Variants in MICU1 observed in about 807,000 individuals in gnomAD.
MICU1 encodes calcium uptake protein 1, mitochondrial.
MICU1 carries 45 observed loss-of-function variants against 56.8 expected under a neutral mutation model. The observed-to-expected ratio is 0.79, with a 90% CI of 0.62 to 1.02. MICU1 has a LOEUF of 1.02. Ranked by LOEUF, MICU1 falls within the 50% of genes least tolerant of loss-of-function variation. MICU1 has a pLI of 0.00. For missense variants in MICU1, 504 were observed against 587.1 expected (o/e 0.86, Z 1.46); for synonymous variants, 186 against 195.1 (o/e 0.95, Z 0.39).
intron 5 of MICU1, chr10:72,523,744 A>G (rs2132388753): frequency 1.7e-6 from 2 of 1,175,658 alleles, no homozygotes; most frequent in South Asian, 2.2e-5. Context: ...ATAAATTTTA[A>G]TAATTTATAA....
At chr10:72,412,854 GAA>G (rs57152777) in intron 9 of MICU1, among the ~76,000 whole-genome samples, 12 of 77,046 alleles carry the variant, frequency 1.6e-4, no homozygotes, top group African/African-American at 2.8e-4. Context: ...TCTGTCTCCA[GAA>G]AAAAAAAAAA....
intron 1 of MICU1, among the ~76,000 whole-genome samples, chr10:72,593,679 G>T (rs1841292955): frequency 6.6e-6 from 1 of 152,144 alleles, no homozygotes; most frequent in South Asian, 2.1e-4. Context: ...AAGATGTTTT[G>T]CAGGATACAA....
intron 8 of MICU1, among the ~76,000 whole-genome samples, chr10:72,434,565 C>G (rs1289503018): frequency 2.0e-5 from 3 of 152,002 alleles, no homozygotes; most frequent in Non-Finnish European, 4.4e-5. Flanking sequence ...TTTAGGAGGC[C>G]CAACATTATT....
chr10:72,371,774 G>T (rs1322476065), intron 11 of MICU1, among the ~76,000 whole-genome samples: 3 of 151,846 alleles, frequency 2.0e-5, no homozygotes. Flanking sequence ...TATAGGCCAA[G>T]GTGGGGCATA....
At chr10:72,474,825 C>T (rs1238528410) in intron 8 of MICU1, among the ~76,000 whole-genome samples, 3 of 152,190 alleles carry the variant, frequency 2.0e-5, no homozygotes, top group African/African-American at 2.4e-5. Flanking sequence ...ACTGCTGTGA[C>T]CCCTGAGTTT....
intron 10 of MICU1, among the ~76,000 whole-genome samples, chr10:72,393,909 G>A (rs1214885362): frequency 6.6e-6 from 1 of 152,082 alleles, no homozygotes; most frequent in Admixed American, 6.6e-5. Context: ...GAGATTACAG[G>A]TGCCCGCTGC....
intron 8 of MICU1, among the ~76,000 whole-genome samples, chr10:72,458,548 C>T (rs1865544614): frequency 6.6e-6 from 1 of 152,084 alleles, no homozygotes; most frequent in South Asian, 2.1e-4. Flanking sequence ...GTGAAGTTGG[C>T]AATTTTCTGG....
At chr10:72,398,251 A>G (rs528329063) in intron 10 of MICU1, among the ~76,000 whole-genome samples, 1 of 152,344 alleles carries the variant, frequency 6.6e-6, no homozygotes, top group African/African-American at 2.4e-5. Flanking sequence ...ATGAGAACAA[A>G]GACACAGCAT....
At chr10:72,619,003 C>G (rs1164726992) in intron 1 of MICU1, among the ~76,000 whole-genome samples, 1 of 152,090 alleles carries the variant, frequency 6.6e-6, no homozygotes, top group Non-Finnish European at 1.5e-5. Flanking sequence ...ATATTAGAAA[C>G]CTGTTTGTTG....
chr10:72,549,441 T>C (rs954543550), intron 4 of MICU1, among the ~76,000 whole-genome samples: 5 of 152,124 alleles, frequency 3.3e-5, no homozygotes, highest in African/African-American at 1.2e-4. Flanking sequence ...TCTGTCTGCA[T>C]CAGCTTCCCA....
At chr10:72,469,120 C>T (rs998702553) in intron 8 of MICU1, among the ~76,000 whole-genome samples, 1 of 152,124 alleles carries the variant, frequency 6.6e-6, no homozygotes, top group Non-Finnish European at 1.5e-5. Flanking sequence ...ATAAAGAAGG[C>T]ATGTAATGTA....
At chr10:72,548,789 T>C (rs1163359204) in intron 4 of MICU1, among the ~76,000 whole-genome samples, 1 of 152,148 alleles carries the variant, frequency 6.6e-6, no homozygotes, top group Non-Finnish European at 1.5e-5. Context: ...CTCCGCCTCC[T>C]GGGTTCAAGT....
intron 1 of MICU1, among the ~76,000 whole-genome samples, chr10:72,573,293 G>T: frequency 1.2e-5 from 1 of 83,976 alleles, no homozygotes; most frequent in African/African-American, 4.6e-5. Context: ...AACATAATGA[G>T]ACCCCCATCA....
At chr10:72,431,094 G>GTCTGTCTGTCTGTCTA (rs1554867912) in intron 8 of MICU1, among the ~76,000 whole-genome samples, 10 of 141,432 alleles carry the variant, frequency 7.1e-5, no homozygotes, top group South Asian at 4.7e-4. Context: ...TTATCTGTCT[G>GTCTGTCTGTCTGTCTA]TCTATCTATC....
Position 72,368,397 on chromosome 10 carries a change from T to C in MICU1, c.1271-42A>G, listed in dbSNP as rs770640733. 8 of 1,590,776 alleles carry C rather than the reference T, an allele frequency of 5.0e-6. No homozygotes were observed. The African/African-American group carries it at 8.0e-5, about 16-fold the overall frequency. On this transcript the variant is annotated intron_variant, in intron 11 of 11. Coordinates refer to ENST00000361114, the MANE Select transcript of MICU1 (RefSeq NM_001195518.2). The stretch of plus-strand genomic sequence containing the variant: ...AAACAACAGGGATAAGTGTTGGCCT[T>C]GGAACAACACCACTGATATAATTCC...
intron 5 of MICU1, among the ~76,000 whole-genome samples, chr10:72,523,557 G>GA (rs1202355738): frequency 6.6e-6 from 1 of 152,066 alleles, no homozygotes; most frequent in Non-Finnish European, 1.5e-5. Context: ...AGGAAGTATA[G>GA]AAAAAATGTA....
chr10:72,403,014 C>T (rs1010279788), intron 10 of MICU1, among the ~76,000 whole-genome samples: 11 of 152,124 alleles, frequency 7.2e-5, no homozygotes, highest in Non-Finnish European at 7.3e-5. Context: ...CATTTTGAGC[C>T]GAGGTGCCTG....
intron 6 of MICU1, among the ~76,000 whole-genome samples, chr10:72,485,221 G>T (rs1727680506): frequency 7.4e-6 from 1 of 136,006 alleles, no homozygotes; most frequent in African/African-American, 2.9e-5. Context: ...AAAGTCTTAA[G>T]TTTAAATAAT....
intron 1 of MICU1, among the ~76,000 whole-genome samples, chr10:72,571,968 G>A (rs1269551095): frequency 6.6e-6 from 1 of 150,482 alleles, no homozygotes; most frequent in Non-Finnish European, 1.5e-5. Flanking sequence ...AAGATAAAAA[G>A]GAGAAATAAA....
Sources: gnomAD v4.1 joint callset for allele counts (sites outside exome capture counted in the v4.1 genomes callset) on GRCh38, gnomAD v4.1.1 for gene constraint, MANE v1.5 for transcripts, NCBI Gene and HGNC (gene_info 2026-07-23, HGNC 2026-07-21) for gene names.